Variants in ZNF420 observed in about 807,000 individuals in gnomAD.
ZNF420 encodes the protein ATM and p53-associated KZNF protein.
ZNF420 carries 31 observed loss-of-function variants against 44.7 expected under a neutral mutation model. That is an observed-to-expected ratio of 0.69 (90% CI 0.52 to 0.94). The LOEUF (loss-of-function observed/expected upper bound fraction) is 0.94, where lower values mean the gene tolerates loss of function less well. ZNF420 is among the 40% of genes least tolerant of loss of function. The pLI is 0.00. For synonymous variants in ZNF420, 245 were observed against 267.4 expected, an observed-to-expected ratio of 0.92 and a Z score of 0.82; for missense variants, 681 against 827.9, an observed-to-expected ratio of 0.82 and a Z score of 2.18.
intron 4 of ZNF420, among the ~76,000 whole-genome samples, chr19:37,125,213 G>T (rs1971282825): frequency 6.6e-6 from 1 of 152,190 alleles, no homozygotes. Flanking sequence ...ACCTGTAGTA[G>T]TGCCTGGGAA....
intron 1 of ZNF420, among the ~76,000 whole-genome samples, chr19:37,031,047 G>T (rs1263809254): frequency 4.6e-5 from 7 of 152,050 alleles, no homozygotes; most frequent in Non-Finnish European, 1.5e-5. Flanking sequence ...GTAGAAACGG[G>T]GTTTTGCCAT....
Position 37,127,530 on chromosome 19 carries a change from C to T in ZNF420, c.539C>T (p.Ser180Leu), listed in dbSNP as rs1264620768. ...KQCGKAFSRD[S>L]QLSLHQRLHT... ...TGCGGGAAGGCCTTTAGTCGTGATT[C>T]ACAACTCAGTCTTCATCAGAGACTT... Residue 180 changes from serine to leucine, a missense_variant, in exon 5 of 5, where the codon TCA becomes TTA. Ser to Leu is a moderately radical substitution (Grantham distance 145, BLOSUM62 -2). This residue lies in a region of ZNF420 where 350 missense variants were observed against 382.5 expected (regional missense o/e 0.92). Coordinates refer to ENST00000337995, the MANE Select transcript of ZNF420 (RefSeq NM_144689.5). 1.9e-6 allele frequency: 3 copies of T among 1,613,904 alleles called. No homozygotes were observed. The highest frequency in any genetic ancestry group is 2.7e-5 in the African/African-American group (2 of 75,014).
At chr19:37,041,159 A>G (rs187282687) in intron 1 of ZNF420, among the ~76,000 whole-genome samples, 1 of 152,060 alleles carries the variant, frequency 6.6e-6, no homozygotes, top group African/African-American at 2.4e-5. Flanking sequence ...CCCCATCTCT[A>G]CTAAAAATAA....
intron 1 of ZNF420, among the ~76,000 whole-genome samples, chr19:37,055,378 A>C (rs1265974267): frequency 1.3e-5 from 2 of 152,160 alleles, no homozygotes; most frequent in African/African-American, 4.8e-5. Context: ...CTGAAACCCC[A>C]GCCGGCGACC....
intron 1 of ZNF420, among the ~76,000 whole-genome samples, chr19:37,058,951 CGTGG>C (rs1233219174): frequency 1.3e-5 from 2 of 152,170 alleles, no homozygotes; most frequent in Non-Finnish European, 2.9e-5. Context: ...GCAGAGGGCT[CGTGG>C]GTCAGCGAAT....
chr19:37,065,396 C>A (rs1829603), intron 1 of ZNF420, among the ~76,000 whole-genome samples: 79,451 of 151,990 alleles, frequency 0.52, 21,487 homozygotes, highest in African/African-American at 0.63. Context: ...TTCTCCTAAC[C>A]CTCAGCTTTT....
chr19:37,010,639 T>C (rs1290687780), intron 1 of ZNF420, among the ~76,000 whole-genome samples: 1 of 152,096 alleles, frequency 6.6e-6, no homozygotes, highest in Non-Finnish European at 1.5e-5. Flanking sequence ...ATTTCTTGCA[T>C]ATCGGCCTGT....
chr19:37,115,245 G>C (rs1331825653), intron 4 of ZNF420: 1 of 159,632 alleles, frequency 6.3e-6, no homozygotes, highest in Non-Finnish European at 1.4e-5. Context: ...CTCGTCAGGT[G>C]GAATGAGAGA....
chr19:37,035,622 G>A (rs1967341229), intron 1 of ZNF420, among the ~76,000 whole-genome samples: 1 of 152,136 alleles, frequency 6.6e-6, no homozygotes, highest in African/African-American at 2.4e-5. Context: ...ATTTGCATGT[G>A]GGCCCCATCA....
chr19:37,103,085 T>C (rs1315272033), intron 4 of ZNF420, among the ~76,000 whole-genome samples: 1 of 152,150 alleles, frequency 6.6e-6, no homozygotes, highest in Non-Finnish European at 1.5e-5. Flanking sequence ...CTATAGTATT[T>C]CTTGTTTTTT....
intron 4 of ZNF420, among the ~76,000 whole-genome samples, chr19:37,094,831 C>T (rs892114009): frequency 6.6e-5 from 10 of 152,060 alleles, no homozygotes; most frequent in East Asian, 1.9e-4. Context: ...GCTATTAGCA[C>T]GTAGAAATAT....
intron 1 of ZNF420, among the ~76,000 whole-genome samples, chr19:37,069,205 G>A (rs1406529138): frequency 3.9e-5 from 6 of 152,136 alleles, no homozygotes; most frequent in South Asian, 4.2e-4. Context: ...TTAGCCTATC[G>A]GGCAAATCTC....
At chr19:37,071,632 C>T (rs1194759367) in intron 1 of ZNF420, among the ~76,000 whole-genome samples, 5 of 152,098 alleles carry the variant, frequency 3.3e-5, no homozygotes, top group African/African-American at 4.8e-5. Context: ...GAAACCCCAT[C>T]TCTACTGAAA....
chr19:37,116,068 G>A (rs749036576), intron 4 of ZNF420, among the ~76,000 whole-genome samples: 1 of 152,120 alleles, frequency 6.6e-6, no homozygotes, highest in Non-Finnish European at 1.5e-5. Context: ...TCAAGGCAGA[G>A]GAATTTTTCT....
At chr19:37,110,346 A>G (rs1248635009) in intron 4 of ZNF420, among the ~76,000 whole-genome samples, 1 of 152,188 alleles carries the variant, frequency 6.6e-6, no homozygotes, top group Non-Finnish European at 1.5e-5. Flanking sequence ...ATGTTGTACA[A>G]TATTTTTTGC....
chr19:37,090,072 C>T (rs993234446), intron 3 of ZNF420, among the ~76,000 whole-genome samples: 3 of 152,062 alleles, frequency 2.0e-5, no homozygotes, highest in Non-Finnish European at 4.4e-5. Context: ...AAGAGAGAAA[C>T]TTACATTTAT....
intron 1 of ZNF420, among the ~76,000 whole-genome samples, chr19:37,061,301 T>C (rs1264986864): frequency 6.6e-6 from 1 of 152,240 alleles, no homozygotes; most frequent in Non-Finnish European, 1.5e-5. Flanking sequence ...GAATAAAATT[T>C]TGGACATGTA....
chr19:37,104,095 A>G (rs1319447042), intron 4 of ZNF420, among the ~76,000 whole-genome samples: 1 of 150,902 alleles, frequency 6.6e-6, no homozygotes, highest in East Asian at 2.0e-4. Context: ...CTCGTCATTT[A>G]CATTAGGTAT....
At chr19:37,052,594 A>C (rs1443734170) in intron 1 of ZNF420, among the ~76,000 whole-genome samples, 1 of 152,144 alleles carries the variant, frequency 6.6e-6, no homozygotes, top group Non-Finnish European at 1.5e-5. Context: ...TTGTCTGTAA[A>C]GGATTTTATT....
Sources: allele counts gnomAD v4.1 joint callset (sites outside exome capture counted in the v4.1 genomes callset), GRCh38; gene constraint gnomAD v4.1.1; regional missense constraint gnomAD v4.1.1; transcripts MANE v1.5; gene names NCBI Gene and HGNC (gene_info 2026-07-23, HGNC 2026-07-21).